The following ST3GAL2 variants were observed in gnomAD, a reference collection of about 807,000 sequenced individuals.
ST3GAL2 encodes the protein ST3 beta-galactoside alpha-2,3-sialyltransferase 2.
In ST3GAL2, 16 loss-of-function variants were observed where a neutral mutation model predicts 37.5. The ratio of observed to expected loss-of-function variants is 0.43; its 90% CI spans 0.29 to 0.65. The LOEUF is 0.65. Ranked by LOEUF, ST3GAL2 falls within the 30% of genes least tolerant of loss-of-function variation. The pLI is 0.17. For synonymous variants in ST3GAL2, 238 were observed against 202.9 expected, an observed-to-expected ratio of 1.17 and a Z score of -1.47; for missense variants, 383 against 487.8, an observed-to-expected ratio of 0.79 and a Z score of 2.02.
rs770553537 is a variant in ST3GAL2, at chr16:70,380,063, G to C, written c.*1626C>G. On this transcript the variant is annotated 3_prime_UTR_variant, in exon 7 of 7. Transcript: ENST00000342907. ...CTCTTCAGGAAGCACTGAGATGGGA[G>C]TGGCAAGACTGGCTGAGGCCTAGCT... is the stretch of plus-strand genomic sequence containing the variant. The C allele has an allele frequency of 1.3e-5, 2 of 152,356 alleles. No homozygotes were observed. The highest frequency in any genetic ancestry group is 2.9e-5 in the Non-Finnish European group (2 of 68,150). The allele number at this position is 152,356 out of a possible 1,614,324, so 9.4% of individuals were successfully genotyped here.
intron 6 of ST3GAL2, 67 bp from the exon 7 acceptor site, chr16:70,381,929 G>C (rs1035705805): frequency 1.0e-4 from 164 of 1,591,798 alleles, no homozygotes; most frequent in Non-Finnish European, 1.3e-4. Context: ...GGCGGGCTCG[G>C]GATGACAGGG....
chr16:70,425,384 C>T (rs554655084), intron 1 of ST3GAL2, among the ~76,000 whole-genome samples: 1 of 152,234 alleles, frequency 6.6e-6, no homozygotes, highest in East Asian at 1.9e-4. Context: ...ATTGCTTGAA[C>T]CCAGGAGGCA....
At chr16:70,402,070 C>T (rs1349387412) in intron 1 of ST3GAL2, among the ~76,000 whole-genome samples, 2 of 146,586 alleles carry the variant, frequency 1.4e-5, no homozygotes, top group Admixed American at 6.9e-5. Context: ...GAGGCCGAGG[C>T]GGGTGGATCA....
intron 1 of ST3GAL2, among the ~76,000 whole-genome samples, chr16:70,429,237 T>G (rs1261617283): frequency 6.6e-5 from 10 of 152,098 alleles, no homozygotes; most frequent in Non-Finnish European, 1.5e-4. Context: ...GGGCCCCCAG[T>G]ACTACCTCCC....
intron 1 of ST3GAL2, among the ~76,000 whole-genome samples, chr16:70,420,645 C>G (rs758593109): frequency 2.0e-5 from 3 of 152,234 alleles, no homozygotes; most frequent in Non-Finnish European, 4.4e-5. Context: ...GCTTTGGAAA[C>G]AAACCAGTAA....
intron 5 of ST3GAL2, 87 bp from the exon 6 acceptor site, chr16:70,383,011 G>T: frequency 6.3e-7 from 1 of 1,586,270 alleles, no homozygotes. Context: ...GTCTATGCCT[G>T]TCAGAGACCT....
chr16:70,385,698 C>CTTTTT (rs1034830291), intron 4 of ST3GAL2, among the ~76,000 whole-genome samples: 31 of 92,216 alleles, frequency 3.4e-4, no homozygotes, highest in African/African-American at 7.4e-4. Context: ...TTTTTTGGTT[C>CTTTTT]TTTTTTTTTT....
chr16:70,420,740 G>T (rs2047709200), intron 1 of ST3GAL2, among the ~76,000 whole-genome samples: 1 of 152,184 alleles, frequency 6.6e-6, no homozygotes, highest in African/African-American at 2.4e-5. Flanking sequence ...ATTTAGTAAT[G>T]TCTTTTGGAA....
rs529087047 is a variant in ST3GAL2, at chr16:70,376,092, G to A, written c.*5597C>T. 1 of 152,234 alleles carries A rather than the reference G, an allele frequency of 6.6e-6. No individual in the cohort carries two copies. The highest frequency in any genetic ancestry group is 1.5e-5 in the Non-Finnish European group (1 of 68,050). The allele number at this position is 152,234 out of a possible 1,614,324, so 9.4% of individuals were successfully genotyped here. On this transcript the variant is annotated 3_prime_UTR_variant, in exon 7 of 7. Transcript: ENST00000342907. Reference sequence around the variant, plus strand: ...GTAACAGCGTTTCACAGGAAGCACCGTGGAGACGCAGCCCAGGGGACTGCC... The same window carrying A: ...GTAACAGCGTTTCACAGGAAGCACCATGGAGACGCAGCCCAGGGGACTGCC...
At chr16:70,413,461 A>T (rs999890860) in intron 1 of ST3GAL2, among the ~76,000 whole-genome samples, 5 of 149,674 alleles carry the variant, frequency 3.3e-5, no homozygotes, top group Non-Finnish European at 5.9e-5. Context: ...CGCGCCTATA[A>T]TCCCAGCACT....
Position 70,376,599 on chromosome 16 carries a change from G to A in ST3GAL2, c.*5090C>T, listed in dbSNP as rs2047347529. ...ATTTTTTTCACAAAAGTAGTGAGAA[G>A]GGGCATTGATTCCTAATTCACACTC... On this transcript the variant is annotated 3_prime_UTR_variant, in exon 7 of 7. Transcript: ENST00000342907. 1 of 152,120 alleles carries A rather than the reference G, an allele frequency of 6.6e-6. No homozygotes were observed. The highest frequency in any genetic ancestry group is 2.4e-5 in the African/African-American group (1 of 41,414). 9.4% of individuals were successfully genotyped at this position (152,120 alleles called of 1,614,324 possible). A position where few individuals can be genotyped will look rare whatever the true frequency, so the allele number is the denominator to read the frequency against.
rs2047404375 is a variant in ST3GAL2, at chr16:70,381,520, C to T, written c.*169G>A. The T allele has an allele frequency of 1.3e-6, 1 of 754,794 alleles. No individual in the cohort carries two copies. The highest frequency in any genetic ancestry group is 3.0e-5 in the Admixed American group (1 of 33,722). 46.8% of individuals were successfully genotyped at this position (754,794 alleles called of 1,614,324 possible). ...GAGAAACAGAAGCTCCGCCCGACCG[C>T]AGCGCAGATTGGTGCCAGGCCCGGC... On this transcript the variant is annotated 3_prime_UTR_variant, in exon 7 of 7. Coordinates refer to ENST00000342907, the MANE Select transcript of ST3GAL2 (RefSeq NM_006927.4).
intron 2 of ST3GAL2, among the ~76,000 whole-genome samples, chr16:70,397,830 C>A (rs2047527372): frequency 6.6e-6 from 1 of 151,688 alleles, no homozygotes; most frequent in Admixed American, 6.6e-5. Flanking sequence ...AAAAAAAAAA[C>A]AAAAAACCCA....
intron 1 of ST3GAL2, among the ~76,000 whole-genome samples, chr16:70,406,146 CAA>C (rs1200625877): frequency 6.6e-6 from 1 of 151,322 alleles, no homozygotes; most frequent in African/African-American, 2.4e-5. Context: ...GGTGTTACAA[CAA>C]AAAGAGAGAA....
chr16:70,381,686 G>A lies in ST3GAL2; in HGVS notation c.*3C>T, dbSNP rs371915892. 6.6e-5 allele frequency: 106 copies of A among 1,612,702 alleles called. No homozygotes were observed. The highest frequency in any genetic ancestry group is 8.7e-5 in the Non-Finnish European group (103 of 1,179,426). On this transcript the variant is annotated 3_prime_UTR_variant, in exon 7 of 7. Transcript: ENST00000342907. Reference sequence around the variant, plus strand: ...GGCCGGAAGGGTCGCGGCGAGGCCCGGCTCAGTTGCCCCGGTAGACTTCGA... The same window carrying A: ...GGCCGGAAGGGTCGCGGCGAGGCCCAGCTCAGTTGCCCCGGTAGACTTCGA...
chr16:70,399,637 C>T (rs2047541822), intron 1 of ST3GAL2, 104 bp from the exon 2 acceptor site: 1 of 392,158 alleles, frequency 2.5e-6, no homozygotes, highest in Non-Finnish European at 4.5e-6. Flanking sequence ...GAGGAGATGC[C>T]CACTTAATCA....
chr16:70,383,712 G>GCC (rs1474047291), intron 4 of ST3GAL2, among the ~76,000 whole-genome samples: 1 of 151,836 alleles, frequency 6.6e-6, no homozygotes, highest in Admixed American at 6.6e-5. Flanking sequence ...ACCTAGGGAT[G>GCC]CCCCCCACGC....
At chr16:70,420,433 A>G (rs2047707176) in intron 1 of ST3GAL2, among the ~76,000 whole-genome samples, 1 of 152,180 alleles carries the variant, frequency 6.6e-6, no homozygotes. Flanking sequence ...TGGGTAGAGA[A>G]GAGGGCAGAA....
intron 1 of ST3GAL2, among the ~76,000 whole-genome samples, chr16:70,421,618 C>T (rs939019645): frequency 6.6e-6 from 1 of 152,216 alleles, no homozygotes; most frequent in Admixed American, 6.5e-5. Flanking sequence ...ACACAGGCAT[C>T]GCCCACATGA....
Sources: gnomAD v4.1 joint callset for allele counts (sites outside exome capture counted in the v4.1 genomes callset) on GRCh38, gnomAD v4.1.1 for gene constraint, MANE v1.5 for transcripts, NCBI Gene and HGNC (gene_info 2026-07-23, HGNC 2026-07-21) for gene names.